NF1: variants seen among roughly 807,000 people sequenced by gnomAD.
NF1 encodes neurofibromin 1.
A neutral mutation model predicts 325.7 loss-of-function variants in NF1; 122 were observed. The observed-to-expected ratio is 0.37, with a 90% CI of 0.32 to 0.44. The LOEUF is 0.44. NF1 is among the 20% of genes least tolerant of loss of function. NF1 has a pLI of 1.00. For missense variants in NF1, 2,140 were observed against 3,415.4 expected (o/e 0.63, Z 9.31); for synonymous variants, 1,091 against 1,186.0 (o/e 0.92, Z 1.65).
intron 36 of NF1, chr17:31,320,380 G>A (rs765755317): frequency 2.9e-5 from 46 of 1,603,116 alleles, no homozygotes; most frequent in Non-Finnish European, 3.4e-5. Flanking sequence ...TACCTAGCTA[G>A]TATAGGTAGG....
Position 31,330,785 on chromosome 17 carries a change from A to G in NF1, c.5812+287A>G, listed in dbSNP as rs17880609. On this transcript the variant is annotated intron_variant, in intron 39 of 57. Transcript: ENST00000358273. ...TACAAAGTATTTTCTTCACTGTTGC[A>G]GTTTAATTAGCTTCAGCATTTCTCT... is the stretch of plus-strand genomic sequence containing the variant. 304 of 318,752 alleles carry G rather than the reference A, an allele frequency of 9.5e-4. 4 individuals are homozygous for G. In the East Asian group the frequency reaches 0.016, roughly 16 times the overall value. 19.7% of individuals were successfully genotyped at this position (318,752 alleles called of 1,614,324 possible). A position where few individuals can be genotyped will look rare whatever the true frequency, so the allele number is the denominator to read the frequency against.
chr17:31,335,274 T>TTATATACATA (rs1325370174), intron 40 of NF1, among the ~76,000 whole-genome samples: 79 of 6,662 alleles, frequency 0.012, no homozygotes, highest in Non-Finnish European at 0.021. Context: ...CAAGGCATAA[T>TTATATACATA]TATATATATA....
intron 8 of NF1, among the ~76,000 whole-genome samples, chr17:31,196,084 A>G (rs2066428912): frequency 6.6e-6 from 1 of 152,204 alleles, no homozygotes; most frequent in East Asian, 1.9e-4. Context: ...GCAGAGTTGT[A>G]TATAATACTT....
intron 4 of NF1, 147 bp from the exon 5 acceptor site, chr17:31,169,744 C>A: frequency 3.3e-6 from 2 of 599,320 alleles, no homozygotes; most frequent in Non-Finnish European, 6.0e-6. Context: ...TGATGTCTTG[C>A]TATGTTGCCC....
chr17:31,278,493 CTTTTTTT>C (rs200450821), intron 36 of NF1, among the ~76,000 whole-genome samples: 2 of 15,340 alleles, frequency 1.3e-4, no homozygotes, highest in African/African-American at 3.6e-4. Context: ...GTAATTGAAG[CTTTTTTT>C]TTTTTTTTTT....
At chr17:31,318,404 C>T (rs546595606) in intron 36 of NF1, 2 of 1,613,972 alleles carry the variant, frequency 1.2e-6, no homozygotes, top group African/African-American at 1.3e-5. Flanking sequence ...AGGTTGGGTC[C>T]TGTGAGCTGT....
chr17:31,158,794 T>TGGC (rs1405429166), intron 2 of NF1, among the ~76,000 whole-genome samples: 1 of 152,188 alleles, frequency 6.6e-6, no homozygotes, highest in Non-Finnish European at 1.5e-5. Flanking sequence ...ACAAGGTTAA[T>TGGC]GGCAGACTCT....
At chr17:31,255,456 A>G (rs1003843431) in intron 31 of NF1, among the ~76,000 whole-genome samples, 63 of 152,110 alleles carry the variant, frequency 4.1e-4, no homozygotes, top group African/African-American at 1.5e-3. Context: ...GACTTACGAA[A>G]CTTGTTATGT....
At chr17:31,341,767 T>C (rs1261308031) in intron 47 of NF1, among the ~76,000 whole-genome samples, 2 of 152,130 alleles carry the variant, frequency 1.3e-5, no homozygotes, top group East Asian at 3.9e-4. Context: ...TTAGTTCCTT[T>C]CTAATTTGTA....
chr17:31,326,091 A>G lies in NF1; in HGVS notation c.5107A>G (p.Ser1703Gly), dbSNP rs1555533374. 1 of 1,613,768 alleles carries G rather than the reference A, an allele frequency of 6.2e-7. No homozygotes were observed. The highest frequency in any genetic ancestry group is 8.5e-7 in the Non-Finnish European group (1 of 1,179,740). ...HERLLTGLKG[S>G]KRLVFIDCPG... is the part of the protein sequence containing the mutation. ...GCGGCTGCTGACTGGCCTCAAAGGT[A>G]GCAAAAGGCTTGTTTTCATAGACTG... The change falls in exon 37 of 58, where the codon AGC (serine) becomes GGC (glycine). Residue 1703 changes from serine (S) to glycine (G), a missense_variant. Ser to Gly is a moderately conservative substitution (Grantham distance 56, BLOSUM62 0). Transcript: ENST00000358273.
At chr17:31,118,761 G>A (rs1567797672) in intron 1 of NF1, among the ~76,000 whole-genome samples, 1 of 152,168 alleles carries the variant, frequency 6.6e-6, no homozygotes, top group Non-Finnish European at 1.5e-5. Context: ...AGGTGTACAT[G>A]TGTATTTATA....
chr17:31,112,252 T>A (rs1330305674), intron 1 of NF1, among the ~76,000 whole-genome samples: 5 of 152,176 alleles, frequency 3.3e-5, no homozygotes, highest in Non-Finnish European at 7.4e-5. Context: ...AAGATTCATA[T>A]ACATGACTGT....
At chr17:31,210,963 A>G (rs550815187) in intron 12 of NF1, among the ~76,000 whole-genome samples, 5 of 152,352 alleles carry the variant, frequency 3.3e-5, no homozygotes, top group African/African-American at 1.2e-4. Context: ...TCCTGCTTTC[A>G]TAAAATTCAA....
intron 18 of NF1, 39 bp from the exon 19 acceptor site, chr17:31,227,179 C>T (rs2151426729): frequency 6.2e-7 from 1 of 1,603,694 alleles, no homozygotes; most frequent in African/African-American, 1.3e-5. Flanking sequence ...AGGCAGGGCT[C>T]TAAGTGCAGT....
At chr17:31,113,073 T>C (rs745457568) in intron 1 of NF1, among the ~76,000 whole-genome samples, 1 of 152,318 alleles carries the variant, frequency 6.6e-6, no homozygotes, top group Middle Eastern at 3.4e-3. Context: ...TCTTTTGTTA[T>C]CCTTGTATGG....
rs2069866501 is a variant in NF1 at position 31,343,035 on chromosome 17, C to G, written c.7089C>G (p.Ile2363Met). 1.2e-6 allele frequency: 2 copies of G among 1,614,060 alleles called. No individual in the cohort carries two copies. Among genetic ancestry groups the G allele is most frequent in the Non-Finnish European group, 1.7e-6 (2 of 1,179,976 alleles). Residue 2363 changes from isoleucine (I) to methionine (M), a missense_variant, in exon 48 of 58, where the codon ATC becomes ATG. Transcript: ENST00000358273. ...DKSPEEVFMAIRNPLEWHCKQ... is the reference protein window; with the variant it reads ...DKSPEEVFMAMRNPLEWHCKQ... ...GTCCAGAGGAAGTATTTATGGCAAT[C>G]CGGAATCCTCTGGAGTGGCACTGCA... is the stretch of plus-strand genomic sequence containing the variant.
intron 29 of NF1, among the ~76,000 whole-genome samples, 167 bp downstream of exon 29, chr17:31,236,188 A>G (rs1374864654): frequency 6.6e-6 from 1 of 151,366 alleles, no homozygotes; most frequent in Non-Finnish European, 1.5e-5. Flanking sequence ...GATATCTGTA[A>G]TTTTTTTTTA....
rs770770675 is a variant in NF1, at chr17:31,330,274, CTTCAT to C, written c.5610-19_5610-15del. 3 of 1,608,706 alleles carry C rather than the reference CTTCAT, an allele frequency of 1.9e-6. No individual in the cohort carries two copies. In the Admixed American group the frequency reaches 5.0e-5, roughly 27 times the overall value. On this transcript the variant is annotated splice_polypyrimidine_tract_variant and intron_variant, in intron 38 of 57. Coordinates refer to ENST00000358273, the MANE Select transcript of NF1 (RefSeq NM_001042492.3). ...TAAGGAAAAATACGTTTTAAAACAA[CTTCAT>C]TTGTGTTTTCTCCTAGGTCAGCTGC... is the stretch of plus-strand genomic sequence containing the variant.
intron 38 of NF1, among the ~76,000 whole-genome samples, chr17:31,329,285 A>G (rs538064382): frequency 3.1e-4 from 47 of 152,256 alleles, no homozygotes; most frequent in Admixed American, 5.9e-4. Flanking sequence ...AAAGATCTTC[A>G]TTGAAAAATA....
Sources: allele counts gnomAD v4.1 joint callset (sites outside exome capture counted in the v4.1 genomes callset), GRCh38; gene constraint gnomAD v4.1.1; transcripts MANE v1.5; gene names NCBI Gene and HGNC (gene_info 2026-07-23, HGNC 2026-07-21).